The following MYH2 variants were observed in gnomAD, a reference collection of about 807,000 sequenced individuals.
The protein encoded by MYH2 is myosin-2.
A neutral mutation model predicts 228.1 loss-of-function variants in MYH2; 139 were observed. The ratio of observed to expected loss-of-function variants is 0.61; its 90% CI spans 0.53 to 0.70. The LOEUF (loss-of-function observed/expected upper bound fraction) is 0.70, where lower values mean the gene tolerates loss of function less well. MYH2 is among the 30% of genes least tolerant of loss of function. MYH2 has a pLI of 0.00. For missense variants in MYH2, 1,809 were observed against 2,357.5 expected (o/e 0.77, Z 4.82); for synonymous variants, 796 against 871.1 (o/e 0.91, Z 1.52).
At chr17:10,523,942 A>T in intron 35 of MYH2, 58 bp from the exon 36 acceptor site, 1 of 1,546,578 alleles carries the variant, frequency 6.5e-7, no homozygotes, top group East Asian at 2.3e-5. Flanking sequence ...TTTATTGGTA[A>T]CCACTTCTTG....
chr17:10,526,307 T>C (rs2142294837), intron 30 of MYH2, among the ~76,000 whole-genome samples: 1 of 152,240 alleles, frequency 6.6e-6, no homozygotes, highest in Middle Eastern at 3.4e-3. Flanking sequence ...GAAAAGCAGG[T>C]ACAAGCCCCT....
Position 10,524,132 on chromosome 17 carries a change from A to C in MYH2, c.5176-248T>G, listed in dbSNP as rs926984670. On this transcript the variant is annotated intron_variant, in intron 35 of 39. Coordinates refer to ENST00000245503, the MANE Select transcript of MYH2 (RefSeq NM_017534.6). This position sits in a 1 kb window ranked among gnomAD's most constrained non-coding sequence, Gnocchi z 4.7. ...TATAATTTTATAATTATCATTTACC[A>C]ATAGACCATTCACAGGGATAAAAGT... 4.6e-5 allele frequency among the ~76,000 whole-genome samples: 7 copies of C among 152,230 alleles called. No homozygotes were observed. The highest frequency in any genetic ancestry group is 8.8e-5 in the Non-Finnish European group (6 of 68,034).
At chr17:10,521,869 A>C (rs1386892489) in intron 39 of MYH2, among the ~76,000 whole-genome samples, 2 of 152,160 alleles carry the variant, frequency 1.3e-5, no homozygotes, top group African/African-American at 4.8e-5. Flanking sequence ...GGCACATTTC[A>C]AAATGGTTAC....
chr17:10,544,219 G>T, intron 5 of MYH2, 92 bp from the exon 6 acceptor site: 1 of 1,505,336 alleles, frequency 6.6e-7, no homozygotes, highest in Non-Finnish European at 9.1e-7. Context: ...GTATTATTCA[G>T]TCTGGACTTT....
intron 17 of MYH2, among the ~76,000 whole-genome samples, chr17:10,536,017 T>C (rs570834012): frequency 6.6e-5 from 10 of 152,242 alleles, no homozygotes; most frequent in Admixed American, 2.6e-4. Flanking sequence ...CAGAGTATTA[T>C]GGTCTATAAG....
In MYH2 at chr17:10,531,125, G is replaced by A. The variant is rs539014421; in HGVS notation, c.2697+508C>T. On this transcript the variant is annotated intron_variant, in intron 22 of 39. Coordinates refer to ENST00000245503, the MANE Select transcript of MYH2 (RefSeq NM_017534.6). Reference sequence around the variant, plus strand: ...GGTGTGACATGATGGGACACTGACTGTGGAGACAGATTAGAAAGAGGGAGT... The same window carrying A: ...GGTGTGACATGATGGGACACTGACTATGGAGACAGATTAGAAAGAGGGAGT... Among the ~76,000 whole-genome samples the A allele has an allele frequency of 7.9e-5, 12 of 152,326 alleles. 1 individual carries two copies. The East Asian group carries it at 2.3e-3, about 29-fold the overall frequency.
Position 10,531,549 on chromosome 17 carries a change from A to G in MYH2, c.2697+84T>C, listed in dbSNP as rs944675697. ...CCTTCCAATGAGTGTCTCCCTTGCAATTACCCAACTCATGGCCCACAATGG... is the reference window on the plus strand; with the variant it reads ...CCTTCCAATGAGTGTCTCCCTTGCAGTTACCCAACTCATGGCCCACAATGG... On this transcript the variant is annotated intron_variant, in intron 22 of 39. Coordinates refer to ENST00000245503, the MANE Select transcript of MYH2 (RefSeq NM_017534.6). 11 of 1,588,518 alleles carry G rather than the reference A, an allele frequency of 6.9e-6. No individual in the cohort carries two copies. The African/African-American group carries it at 1.2e-4, about 17-fold the overall frequency.
chr17:10,524,373 C>T lies in MYH2; in HGVS notation c.5175+93G>A. On this transcript the variant is annotated intron_variant, in intron 35 of 39. Coordinates refer to ENST00000245503, the MANE Select transcript of MYH2 (RefSeq NM_017534.6). The surrounding 1 kb of genome is among the most constrained non-coding windows in gnomAD (Gnocchi z 4.7). ...TTATTTGAAAAGAAAATTTGATAGA[C>T]ATATTAGGTCTAGCTGTCTTATGAA... 1 of 1,500,850 alleles carries T rather than the reference C, an allele frequency of 6.7e-7. No individual in the cohort carries two copies. Among genetic ancestry groups the T allele is most frequent in the South Asian group, 1.1e-5 (1 of 88,470 alleles). 93.0% of individuals were successfully genotyped at this position (1,500,850 alleles called of 1,614,324 possible). A position where few individuals can be genotyped will look rare whatever the true frequency, so the allele number is the denominator to read the frequency against.
Position 10,525,906 on chromosome 17 carries a change from A to C in MYH2, c.4188-30T>G. On this transcript the variant is annotated intron_variant, in intron 30 of 39. Coordinates refer to ENST00000245503, the MANE Select transcript of MYH2 (RefSeq NM_017534.6). This position sits in a 1 kb window ranked among gnomAD's most constrained non-coding sequence, Gnocchi z 4.2. ...AATATTATACATGTTTTCAGAGAGA[A>C]GTGAACCATAATATGAATTATGAGC... 6.2e-7 allele frequency: 1 copy of C among 1,609,132 alleles called. No homozygotes were observed. Among genetic ancestry groups the C allele is most frequent in the Non-Finnish European group, 8.5e-7 (1 of 1,175,876 alleles).
Position 10,547,887 on chromosome 17 carries a change from C to G in MYH2, c.34G>C (p.Glu12Gln). The change falls in exon 3 of 40, where the codon GAG becomes CAG. Residue 12 changes from glutamate to glutamine, a missense_variant. By Grantham distance (29) the Glu-to-Gln change is conservative. Coordinates refer to ENST00000245503, the MANE Select transcript of MYH2 (RefSeq NM_017534.6). ...GACTTTCGGAGGAAAGGAGCAGCCTCCCCAAAAACAGCCAATTCTGAGTCT... is the reference window on the plus strand; with the variant it reads ...GACTTTCGGAGGAAAGGAGCAGCCTGCCCAAAAACAGCCAATTCTGAGTCT... ...SSDSELAVFG[E>Q]AAPFLRKSER... 9 of 1,614,166 alleles carry G rather than the reference C, an allele frequency of 5.6e-6. No homozygotes were observed. The highest frequency in any genetic ancestry group is 7.6e-6 in the Non-Finnish European group (9 of 1,180,026).
Position 10,524,417 on chromosome 17 carries a change from C to T in MYH2, c.5175+49G>A. 6.2e-7 allele frequency: 1 copy of T among 1,611,784 alleles called. No homozygotes were observed. Among genetic ancestry groups the T allele is most frequent in the Non-Finnish European group, 8.5e-7 (1 of 1,177,920 alleles). On this transcript the variant is annotated intron_variant, in intron 35 of 39. Transcript: ENST00000245503. This position sits in a 1 kb window ranked among gnomAD's most constrained non-coding sequence, Gnocchi z 4.7. Reference sequence around the variant, plus strand: ...TTATGAAAACTCAGGCTTATCTATTCTGGGACATATAAAATTTACTAAGGA... The same window carrying T: ...TTATGAAAACTCAGGCTTATCTATTTTGGGACATATAAAATTTACTAAGGA...
chr17:10,527,550 G>A (rs1032176244), intron 28 of MYH2, among the ~76,000 whole-genome samples, 198 bp downstream of exon 28: 1 of 152,246 alleles, frequency 6.6e-6, no homozygotes, highest in African/African-American at 2.4e-5. Flanking sequence ...CTGGAACAGA[G>A]CTTGATTTTG....
chr17:10,537,415 A>G lies in MYH2; in HGVS notation c.1715T>C (p.Val572Ala). 1.2e-6 allele frequency: 2 copies of G among 1,614,144 alleles called. No homozygotes were observed. The highest frequency in any genetic ancestry group is 1.7e-6 in the Non-Finnish European group (2 of 1,180,036). The change falls in exon 16 of 40, where the codon GTC becomes GCC. Residue 572 changes from valine (V) to alanine (A), a missense_variant. By Grantham distance (64) the Val-to-Ala change is moderately conservative (BLOSUM62 0). Coordinates refer to ENST00000245503, the MANE Select transcript of MYH2 (RefSeq NM_017534.6). The surrounding 1 kb of genome is among the most constrained non-coding windows in gnomAD (Gnocchi z 4.0). ...GAAGTGGGCCTCGGCCTTGCCTTTG[A>G]CCACCTTGGGCTTCTGGAAGTTGGC... ...KSANFQKPKV[V>A]KGKAEAHFAL...
chr17:10,539,058 C>G (rs2073518124), intron 14 of MYH2, 147 bp downstream of exon 14: 1 of 1,423,600 alleles, frequency 7.0e-7, no homozygotes, highest in African/African-American at 1.4e-5. Flanking sequence ...GGAATTGGTA[C>G]TACAATAACT....
At position 10,535,608 on chromosome 17, in the gene MYH2, A is replaced by G. The variant is rs376662893; in HGVS notation, c.1975-243T>C. Among the ~76,000 whole-genome samples the G allele has an allele frequency of 3.3e-4, 51 of 152,308 alleles. No individual in the cohort carries two copies. In the South Asian group the frequency reaches 9.9e-3, roughly 30 times the overall value. ...AGCATCCTGGCATGTGCTTCTTTTC[A>G]GTTTATGCCAACACCATCCTTTCTA... On this transcript the variant is annotated intron_variant, in intron 17 of 39. Coordinates refer to ENST00000245503, the MANE Select transcript of MYH2 (RefSeq NM_017534.6).
chr17:10,533,702 A>G, intron 19 of MYH2, 70 bp from the exon 20 acceptor site: 1 of 1,552,658 alleles, frequency 6.4e-7, no homozygotes, highest in Non-Finnish European at 8.9e-7. Context: ...ACATTAAATG[A>G]TTCATTTTTT....
In MYH2 at chr17:10,528,819, A is replaced by G. The variant is rs751186949; in HGVS notation, c.3615T>C (p.Ser1205=). The G allele has an allele frequency of 1.8e-5, 29 of 1,614,044 alleles. No individual in the cohort carries two copies. The African/African-American group carries it at 2.9e-4, about 16-fold the overall frequency. Reference sequence around the variant, plus strand: ...CAATCTGCTCCCCAAGCTCGGCCACACTATCTGCATGCTTCTTCCTCAGGG... The same window carrying G: ...CAATCTGCTCCCCAAGCTCGGCCACGCTATCTGCATGCTTCTTCCTCAGGG... ...AATLRKKHAD[S]VAELGEQIDN... Residue 1205 remains serine (S), a synonymous_variant, in exon 27 of 40, where the codon AGT becomes AGC. Transcript: ENST00000245503.
chr17:10,540,761 T>A, intron 10 of MYH2, 64 bp from the exon 11 acceptor site: 1 of 1,418,842 alleles, frequency 7.0e-7, no homozygotes, highest in Non-Finnish European at 9.9e-7. Context: ...AAGAGATTTC[T>A]AGACAAATTG....
At chr17:10,526,452 G>T in intron 30 of MYH2, 147 bp downstream of exon 30, 1 of 1,317,760 alleles carries the variant, frequency 7.6e-7, no homozygotes, top group Non-Finnish European at 1.1e-6. Context: ...ATTTATTCAT[G>T]TCTTATTCTC....
Sources: allele counts gnomAD v4.1 joint callset (sites outside exome capture counted in the v4.1 genomes callset), GRCh38; gene constraint gnomAD v4.1.1; non-coding constraint Gnocchi (gnomAD v3.1); transcripts MANE v1.5; gene names NCBI Gene and HGNC (gene_info 2026-07-23, HGNC 2026-07-21).